Variants in CPM observed in about 807,000 individuals in gnomAD.
The protein encoded by CPM is renal carboxypeptidase.
Under a neutral mutation model 46.4 loss-of-function variants are expected in CPM, and 35 were observed. The ratio of observed to expected loss-of-function variants is 0.75; its 90% CI spans 0.58 to 1.00. The LOEUF (loss-of-function observed/expected upper bound fraction) is 1.00. Ranked by LOEUF, CPM falls within the 50% of genes least tolerant of loss-of-function variation. The probability of loss-of-function intolerance (pLI) is 0.00; values close to 1 mark genes in which losing one functional copy is unlikely to be tolerated. For synonymous variants in CPM, 195 were observed against 195.3 expected, an observed-to-expected ratio of 1.00 and a Z score of 0.01; for missense variants, 422 against 530.4, an observed-to-expected ratio of 0.80 and a Z score of 2.01.
upstream of CPM, among the ~76,000 whole-genome samples, chr12:68,937,385 G>A (rs1170875807): frequency 6.6e-6 from 1 of 152,186 alleles, no homozygotes; most frequent in Non-Finnish European, 1.5e-5. Context: ...GTCATAACTA[G>A]GGATGGGAGC....
chr12:68,945,948 G>A (rs1432812843), intron 1 of CPM, among the ~76,000 whole-genome samples: 1 of 149,864 alleles, frequency 6.7e-6, no homozygotes, highest in Non-Finnish European at 1.5e-5. Flanking sequence ...GACCTCTAGG[G>A]CTAAAGTGAT....
chr12:68,932,624 A>T (rs1203166245), intron 2 of CPM, 54 bp downstream of exon 2: 1 of 1,601,002 alleles, frequency 6.2e-7, no homozygotes, highest in Non-Finnish European at 8.5e-7. Flanking sequence ...TATTTAATGA[A>T]TACTGAAAGG....
At chr12:68,892,949 C>T (rs542302931) in intron 2 of CPM, among the ~76,000 whole-genome samples, 109 of 152,112 alleles carry the variant, frequency 7.2e-4, no homozygotes, top group African/African-American at 2.5e-3. Flanking sequence ...GGGAACATCA[C>T]ACACCTGGGC....
intron 2 of CPM, among the ~76,000 whole-genome samples, chr12:68,897,207 G>A (rs1282548781): frequency 6.6e-6 from 1 of 150,864 alleles, no homozygotes; most frequent in Non-Finnish European, 1.5e-5. Context: ...TAAGAATGGA[G>A]TTTTAAAAAC....
intron 2 of CPM, among the ~76,000 whole-genome samples, chr12:68,898,263 G>GCCTCCAA (rs1402983544): frequency 6.6e-6 from 1 of 152,100 alleles, no homozygotes; most frequent in Non-Finnish European, 1.5e-5. Context: ...TTGGAGGTCT[G>GCCTCCAA]CACAGCCCTA....
chr12:68,932,649 T>C, intron 2 of CPM, 29 bp downstream of exon 2: 1 of 1,611,126 alleles, frequency 6.2e-7, no homozygotes, highest in East Asian at 2.2e-5. Context: ...ACTGAGGGTT[T>C]GGCAAAGTGT....
At chr12:68,944,542 T>A (rs1817896) in intron 1 of CPM, among the ~76,000 whole-genome samples, 25,005 of 152,050 alleles carry the variant, frequency 0.16, 2,140 homozygotes, top group Middle Eastern at 0.2. Flanking sequence ...CAGTTGGGAC[T>A]ACAGACACAT....
intron 1 of CPM, among the ~76,000 whole-genome samples, chr12:68,938,674 A>T (rs1056772445): frequency 3.3e-5 from 5 of 152,016 alleles, no homozygotes; most frequent in Non-Finnish European, 5.9e-5. Context: ...TGTATAATTT[A>T]AAAAATGTTA....
At chr12:68,926,397 G>A (rs1044657270) in intron 2 of CPM, among the ~76,000 whole-genome samples, 2 of 151,772 alleles carry the variant, frequency 1.3e-5, no homozygotes, top group Non-Finnish European at 2.9e-5. Context: ...CAATTGCTTA[G>A]TGGCTAATGG....
upstream of CPM, among the ~76,000 whole-genome samples, chr12:68,937,841 A>G (rs925438772): frequency 6.6e-5 from 10 of 152,248 alleles, no homozygotes; most frequent in African/African-American, 2.2e-4. Flanking sequence ...AAAAACAATG[A>G]AGGCATTTTA....
chr12:68,910,662 C>A (rs1887556646), intron 2 of CPM, among the ~76,000 whole-genome samples: 1 of 152,012 alleles, frequency 6.6e-6, no homozygotes, highest in African/African-American at 2.4e-5. Flanking sequence ...TAAAATATGG[C>A]AAAACACATA....
At chr12:68,935,043 C>T (rs1482969838), upstream of CPM, among the ~76,000 whole-genome samples, 1 of 151,840 alleles carries the variant, frequency 6.6e-6, no homozygotes, top group Non-Finnish European at 1.5e-5. Flanking sequence ...CCGAGTAGCT[C>T]GGATTACAGG....
At chr12:68,881,083 T>C (rs73338423) in intron 3 of CPM, among the ~76,000 whole-genome samples, 1,929 of 152,360 alleles carry the variant, frequency 0.013, 38 homozygotes, top group African/African-American at 0.044. Context: ...AAGTTGATTT[T>C]GCTACCCGGA....
chr12:68,960,415 C>A (rs1889091358), intron 1 of CPM, among the ~76,000 whole-genome samples: 1 of 152,176 alleles, frequency 6.6e-6, no homozygotes. Flanking sequence ...GTGGATGTAA[C>A]TATTGAGGGC....
intron 4 of CPM, among the ~76,000 whole-genome samples, chr12:68,871,208 C>T (rs1390339314): frequency 6.6e-6 from 1 of 152,206 alleles, no homozygotes; most frequent in East Asian, 1.9e-4. Flanking sequence ...AATAAATCAA[C>T]CGGTCATTAC....
At chr12:68,909,777 T>C (rs553932702) in intron 2 of CPM, among the ~76,000 whole-genome samples, 2 of 133,412 alleles carry the variant, frequency 1.5e-5, no homozygotes, top group African/African-American at 5.7e-5. Context: ...TAAGTAGGAG[T>C]TGAACAACGA....
chr12:68,908,253 T>C (rs1483371439), intron 2 of CPM, among the ~76,000 whole-genome samples: 1 of 152,208 alleles, frequency 6.6e-6, no homozygotes, highest in African/African-American at 2.4e-5. Context: ...CTTCTAGTTC[T>C]TGCAAAGCTG....
intron 6 of CPM, among the ~76,000 whole-genome samples, chr12:68,868,457 T>C (rs1271835052): frequency 6.6e-6 from 1 of 152,106 alleles, no homozygotes; most frequent in Non-Finnish European, 1.5e-5. Context: ...TGCCGCAACT[T>C]GCTGTTGGTG....
At position 68,853,209 on chromosome 12, in the gene CPM, C is replaced by A. The variant is rs183801591; in HGVS notation, c.*3228G>T. On this transcript the variant is annotated 3_prime_UTR_variant, in exon 9 of 9. Transcript: ENST00000551568. ...TTCGTGTCTCTTCAAAAATTGCTAT[C>A]TTAGAAAAGTTAGAATTCAATGCCC... The A allele has an allele frequency of 1.4e-3, 207 of 152,260 alleles. No individual in the cohort carries two copies. The highest frequency in any genetic ancestry group is 4.8e-3 in the African/African-American group (198 of 41,544). 9.4% of individuals were successfully genotyped at this position (152,260 alleles called of 1,614,324 possible).
Sources: gnomAD v4.1 joint callset for allele counts (sites outside exome capture counted in the v4.1 genomes callset) on GRCh38, gnomAD v4.1.1 for gene constraint, MANE v1.5 for transcripts, NCBI Gene and HGNC (gene_info 2026-07-23, HGNC 2026-07-21) for gene names.